SLC7A1: variants seen among roughly 807,000 people sequenced by gnomAD.
The protein encoded by SLC7A1 is solute carrier family 7 member 1.
Under a neutral mutation model 53.9 loss-of-function variants are expected in SLC7A1, and 10 were observed. The observed-to-expected ratio is 0.19, with a 90% CI of 0.11 to 0.31. The LOEUF is 0.31. SLC7A1 is among the 10% of genes least tolerant of loss of function. The pLI, the probability that SLC7A1 is intolerant of heterozygous loss-of-function variation, is 1.00. For synonymous variants in SLC7A1, 342 were observed against 338.7 expected (o/e 1.01, Z -0.11); for missense variants, 525 against 827.2 (o/e 0.63, Z 4.48).
intron 2 of SLC7A1, among the ~76,000 whole-genome samples, chr13:29,540,079 T>C (rs1238372341): frequency 1.3e-5 from 2 of 152,226 alleles, no homozygotes; most frequent in African/African-American, 4.8e-5. Flanking sequence ...ACTCCAAAGC[T>C]GGTTGTTCAA....
rs1452106410 is a variant in SLC7A1 at position 29,514,114 on chromosome 13, G to A, written c.*366C>T. 4.0e-5 allele frequency: 10 copies of A among 251,630 alleles called. No individual in the cohort carries two copies. The highest frequency in any genetic ancestry group is 6.2e-5 in the Non-Finnish European group (8 of 128,374). 15.6% of individuals were successfully genotyped at this position (251,630 alleles called of 1,614,324 possible). A position where few individuals can be genotyped will look rare whatever the true frequency, so the allele number is the denominator to read the frequency against. On this transcript the variant is annotated 3_prime_UTR_variant, in exon 13 of 13. Transcript: ENST00000380752. The stretch of plus-strand genomic sequence containing the variant: ...CAATTTCAATCCCAGAACAGTCCCC[G>A]GGAGGAAGGCCTGGTTCCCAAGATA...
At chr13:29,538,705 A>G (rs943460834) in intron 2 of SLC7A1, among the ~76,000 whole-genome samples, 4 of 152,258 alleles carry the variant, frequency 2.6e-5, no homozygotes, top group Admixed American at 6.5e-5. Context: ...AAAGCACAAC[A>G]AAGCGTTTAG....
intron 2 of SLC7A1, among the ~76,000 whole-genome samples, chr13:29,549,104 G>A (rs75685898): frequency 0.13 from 20,540 of 152,200 alleles, 1,634 homozygotes; most frequent in African/African-American, 0.2. Context: ...TAATGAGGAG[G>A]CCTCCTCTTT....
At chr13:29,536,991 T>G (rs1869450337) in intron 2 of SLC7A1, among the ~76,000 whole-genome samples, 1 of 152,198 alleles carries the variant, frequency 6.6e-6, no homozygotes, top group Admixed American at 6.5e-5. Flanking sequence ...CAGGACACCT[T>G]GTGCCTTGTG....
At chr13:29,537,151 C>CCAGG (rs1869457843) in intron 2 of SLC7A1, among the ~76,000 whole-genome samples, 1 of 152,126 alleles carries the variant, frequency 6.6e-6, no homozygotes, top group African/African-American at 2.4e-5. Context: ...GACTTCCTTC[C>CCAGG]ATAGAGTCCA....
chr13:29,551,375 G>A (rs1222317484), intron 2 of SLC7A1, among the ~76,000 whole-genome samples: 1 of 152,188 alleles, frequency 6.6e-6, no homozygotes, highest in Non-Finnish European at 1.5e-5. Flanking sequence ...TCCAGGAGAT[G>A]TGGCAACTAT....
At chr13:29,542,039 T>C (rs989801868) in intron 2 of SLC7A1, among the ~76,000 whole-genome samples, 27 of 152,360 alleles carry the variant, frequency 1.8e-4, no homozygotes, top group African/African-American at 6.0e-4. Context: ...TTCTATTTTA[T>C]TTTTATCATA....
chr13:29,588,585 C>T (rs553105143), intron 1 of SLC7A1, among the ~76,000 whole-genome samples: 1 of 150,172 alleles, frequency 6.7e-6, no homozygotes, highest in South Asian at 2.1e-4. Context: ...CTCCCTGCAA[C>T]CTCCGCCTCC....
chr13:29,578,240 C>T (rs1488101819), intron 1 of SLC7A1, among the ~76,000 whole-genome samples: 5 of 152,068 alleles, frequency 3.3e-5, no homozygotes, highest in African/African-American at 7.2e-5. Context: ...GATTTCTGTC[C>T]GGAGAGCAGA....
Position 29,535,920 on chromosome 13 carries a change from C to T in SLC7A1, c.269G>A (p.Arg90Gln), listed in dbSNP as rs780403116. 3 of 1,614,046 alleles carry T rather than the reference C, an allele frequency of 1.9e-6. No homozygotes were observed. The highest frequency in any genetic ancestry group is 2.5e-6 in the Non-Finnish European group (3 of 1,180,042). The change falls in exon 3 of 13, where the codon CGG (arginine) becomes CAG (glutamine). Residue 90 changes from arginine (R) to glutamine (Q), a missense_variant. Physicochemically the swap from Arg to Gln is conservative, Grantham distance 43. Transcript: ENST00000380752. ...AGLCYGEFGA[R>Q]VPKTGSAYLY... ...GTAAGCTGAGCCCGTCTTGGGGACC[C>T]GAGCACCAAACTCGCCATAGCACAG...
chr13:29,567,265 T>C (rs1416319003), intron 1 of SLC7A1, among the ~76,000 whole-genome samples: 1 of 151,416 alleles, frequency 6.6e-6, no homozygotes, highest in Non-Finnish European at 1.5e-5. Context: ...TTTTTAAGCT[T>C]TTAGGTCAAA....
chr13:29,526,878 C>A lies in SLC7A1; in HGVS notation c.705-2625G>T, dbSNP rs138314138. Among the ~76,000 whole-genome samples, 591 of 152,278 alleles carry A rather than the reference C, an allele frequency of 3.9e-3. 5 individuals carry two copies. Among genetic ancestry groups the A allele is most frequent in the African/African-American group, 0.014 (571 of 41,568 alleles). ...AGGTTACAGAATGGGGGTGAAGGCA[C>A]GTGCTGTGCTGCGCCAACTCCAGAG... On this transcript the variant is annotated intron_variant, in intron 5 of 12. Coordinates refer to ENST00000380752, the MANE Select transcript of SLC7A1 (RefSeq NM_003045.5).
rs985182904 is a variant in SLC7A1, at chr13:29,535,766, G to A, written c.370+53C>T. On this transcript the variant is annotated intron_variant, in intron 3 of 12. Coordinates refer to ENST00000380752, the MANE Select transcript of SLC7A1 (RefSeq NM_003045.5). ...GGCATCCACCCACACTTTGGAGGTG[G>A]GAACAAACAGAAAAGTGGTAGAGGG... is the stretch of plus-strand genomic sequence containing the variant. 4 of 1,569,304 alleles carry A rather than the reference G, an allele frequency of 2.5e-6. No individual in the cohort carries two copies. In the Admixed American group the frequency reaches 5.2e-5, roughly 20 times the overall value.
chr13:29,533,098 C>G (rs180706275), intron 3 of SLC7A1, 116 bp from the exon 4 acceptor site: 1 of 1,042,220 alleles, frequency 9.6e-7, no homozygotes, highest in Admixed American at 2.8e-5. Flanking sequence ...GCACTGGAAT[C>G]TGGCAGCAGC....
intron 1 of SLC7A1, among the ~76,000 whole-genome samples, chr13:29,575,210 T>C (rs773769762): frequency 6.6e-6 from 1 of 152,210 alleles, no homozygotes; most frequent in Admixed American, 6.5e-5. Context: ...TACAGGAGCA[T>C]TTAATCAAAC....
In SLC7A1 at chr13:29,570,846, A is replaced by T. The variant is rs573427791; in HGVS notation, c.-114-16986T>A. Among the ~76,000 whole-genome samples, 7 of 123,416 alleles carry T rather than the reference A, an allele frequency of 5.7e-5. No homozygotes were observed. In the Admixed American group the frequency reaches 5.9e-4, roughly 10 times the overall value. 81.0% of individuals were successfully genotyped at this position (123,416 alleles called of 152,430 possible). A position where few individuals can be genotyped will look rare whatever the true frequency, so the allele number is the denominator to read the frequency against. On this transcript the variant is annotated intron_variant, in intron 1 of 12. Coordinates refer to ENST00000380752, the MANE Select transcript of SLC7A1 (RefSeq NM_003045.5). The stretch of plus-strand genomic sequence containing the variant: ...GCACTTGGGTCTGGGCAACAAAGAG[A>T]GACTTTGTCTCAAAAAAAAAAAAAA...
intron 1 of SLC7A1, among the ~76,000 whole-genome samples, chr13:29,559,533 G>A (rs1275571180): frequency 7.0e-6 from 1 of 141,914 alleles, no homozygotes; most frequent in African/African-American, 2.6e-5. Context: ...ATGTGAGTGA[G>A]GGGGAGTGAA....
chr13:29,565,872 G>A (rs1010203078), intron 1 of SLC7A1, among the ~76,000 whole-genome samples: 3 of 152,094 alleles, frequency 2.0e-5, no homozygotes, highest in African/African-American at 4.8e-5. Context: ...GCTTCCTAAC[G>A]CAGCAGCATC....
chr13:29,548,121 T>C (rs1198704741), intron 2 of SLC7A1, among the ~76,000 whole-genome samples: 2 of 152,240 alleles, frequency 1.3e-5, no homozygotes, highest in Non-Finnish European at 2.9e-5. Context: ...GGTGGTGTCC[T>C]GAGACACTTC....
Sources: allele counts gnomAD v4.1 joint callset (sites outside exome capture counted in the v4.1 genomes callset), GRCh38; gene constraint gnomAD v4.1.1; transcripts MANE v1.5; gene names NCBI Gene and HGNC (gene_info 2026-07-23, HGNC 2026-07-21).